The following EIF3B variants were observed in gnomAD, a reference collection of about 807,000 sequenced individuals.
EIF3B encodes eukaryotic translation initiation factor 3 subunit 9.
EIF3B carries 10 observed loss-of-function variants against 104.6 expected under a neutral mutation model. The observed-to-expected ratio is 0.10, with a 90% CI of 0.06 to 0.16. EIF3B has a LOEUF of 0.16. Among genes scored for constraint, EIF3B ranks in the 10% least tolerant of loss-of-function variants. The pLI is 1.00. For synonymous variants in EIF3B, 542 were observed against 417.2 expected, an observed-to-expected ratio of 1.30 and a Z score of -3.65; for missense variants, 1,014 against 1,087.9, an observed-to-expected ratio of 0.93 and a Z score of 0.96.
At chr7:2,377,128 T>C in intron 15 of EIF3B, 53 bp downstream of exon 15, 4 of 1,547,522 alleles carry the variant, frequency 2.6e-6, no homozygotes, top group Non-Finnish European at 3.5e-6. Flanking sequence ...ATTGTGGCGT[T>C]GAAAAGGTGT....
chr7:2,374,063 C>T (rs1780504863), intron 12 of EIF3B: 1 of 153,708 alleles, frequency 6.5e-6, no homozygotes. Context: ...TCTCACTGTT[C>T]CAGCGGCTCT....
chr7:2,367,380 G>T (rs1780082370), intron 9 of EIF3B, among the ~76,000 whole-genome samples: 1 of 152,032 alleles, frequency 6.6e-6, no homozygotes, highest in Non-Finnish European at 1.5e-5. Flanking sequence ...GTCACCCCAG[G>T]GGGTTAGAAT....
rs370641135 is a variant in EIF3B, at chr7:2,377,701, C to G, written c.2154+626C>G. The G allele has an allele frequency of 2.7e-3, 207 of 75,982 alleles. 10 individuals are homozygous for G. Among genetic ancestry groups the G allele is most frequent in the African/African-American group, 0.013 (94 of 7,048 alleles). 4.7% of individuals were successfully genotyped at this position (75,982 alleles called of 1,614,324 possible). A position where few individuals can be genotyped will look rare whatever the true frequency, so the allele number is the denominator to read the frequency against. ...GCGAGCGCTCCTGGGATGCTGTGTT[C>G]TGTGAATGACCCTGGGTGTCATGGA... On this transcript the variant is annotated intron_variant, in intron 15 of 18. Coordinates refer to ENST00000360876, the MANE Select transcript of EIF3B (RefSeq NM_001037283.2).
Position 2,377,934 on chromosome 7 carries a change from C to T in EIF3B, c.2155-755C>T, listed in dbSNP as rs1488675025. On this transcript the variant is annotated intron_variant, in intron 15 of 18. Coordinates refer to ENST00000360876, the MANE Select transcript of EIF3B (RefSeq NM_001037283.2). ...GTGTCGAGGAAGGAGAAGGCGCGAGCACTGCTGGGATGCCGTGTTCTGTGA... is the reference window on the plus strand; with the variant it reads ...GTGTCGAGGAAGGAGAAGGCGCGAGTACTGCTGGGATGCCGTGTTCTGTGA... The T allele has an allele frequency of 5.3e-5, 2 of 38,006 alleles. 1 individual carries two copies. The highest frequency in any genetic ancestry group is 8.1e-4 in the Admixed American group (2 of 2,480). The allele number at this position is 38,006 out of a possible 1,614,324, so 2.4% of individuals were successfully genotyped here.
rs1779958077 is a variant in EIF3B, at chr7:2,365,486, G to T, written c.1158-831G>T. ...ATGGGTTGTGTCTGCCTTCCCCTCT[G>T]GTGTTGTAAGGGACCGTCTGTTACA... On this transcript the variant is annotated intron_variant, in intron 6 of 18. Coordinates refer to ENST00000360876, the MANE Select transcript of EIF3B (RefSeq NM_001037283.2). 2.0e-5 allele frequency among the ~76,000 whole-genome samples: 3 copies of T among 152,128 alleles called. No individual in the cohort carries two copies. In the South Asian group the frequency reaches 6.2e-4, roughly 32 times the overall value.
chr7:2,370,801 C>G (rs1283134480), intron 10 of EIF3B, among the ~76,000 whole-genome samples: 1 of 151,622 alleles, frequency 6.6e-6, no homozygotes, highest in Non-Finnish European at 1.5e-5. Flanking sequence ...AAAGGCCGGG[C>G]ACGGTGGCTC....
intron 11 of EIF3B, 71 bp downstream of exon 11, chr7:2,371,920 C>G (rs942782930): frequency 1.2e-5 from 15 of 1,223,824 alleles, no homozygotes; most frequent in Non-Finnish European, 1.7e-5. Context: ...TTTAACACTT[C>G]CATGCGAGGG....
intron 15 of EIF3B, among the ~76,000 whole-genome samples, chr7:2,377,486 G>A (rs1045153486): frequency 7.1e-6 from 1 of 140,818 alleles, no homozygotes; most frequent in Admixed American, 7.0e-5. Flanking sequence ...GAGCAGGCAC[G>A]AGCGCTCCTG....
Position 2,367,034 on chromosome 7 carries a change from C to A in EIF3B, c.1392C>A (p.Ile464=), listed in dbSNP as rs780528432. 6 of 1,612,086 alleles carry A rather than the reference C, an allele frequency of 3.7e-6. No individual in the cohort carries two copies. The highest frequency in any genetic ancestry group is 4.2e-6 in the Non-Finnish European group (5 of 1,179,758). The change falls in exon 9 of 19, where the codon ATC becomes ATA. Residue 464 remains isoleucine, a synonymous_variant. Transcript: ENST00000360876. ...TTTTGGACAAGAAGAGTTTGAAGAT[C>A]TCTGGGATAAAGTGAGTATTCTTAT... ...MGLLDKKSLK[I]SGIKDFSWSP...
chr7:2,376,623 T>G, intron 14 of EIF3B: 1 of 278,360 alleles, frequency 3.6e-6, no homozygotes, highest in Non-Finnish European at 6.8e-6. Context: ...TTCAGTCCAG[T>G]TTAAATCCAG....
At position 2,372,834 on chromosome 7, in the gene EIF3B, G is replaced by C. The variant is rs771249954; in HGVS notation, c.1810+39G>C. On this transcript the variant is annotated intron_variant, in intron 12 of 18. Coordinates refer to ENST00000360876, the MANE Select transcript of EIF3B (RefSeq NM_001037283.2). ...TCCCTTTCCTCTTCTGAGTAGGTCA[G>C]CACAGATGATGACCCAGTCGCTGCC... is the stretch of plus-strand genomic sequence containing the variant. 9 of 1,601,110 alleles carry C rather than the reference G, an allele frequency of 5.6e-6. No homozygotes were observed. In the East Asian group the frequency reaches 2.0e-4, roughly 36 times the overall value.
At position 2,379,013 on chromosome 7, in the gene EIF3B, C is replaced by T. The variant is rs1263074878; in HGVS notation, c.2233-121C>T. On this transcript the variant is annotated intron_variant, in intron 16 of 18. Coordinates refer to ENST00000360876, the MANE Select transcript of EIF3B (RefSeq NM_001037283.2). ...GAAAAGTGAGAATGAATGGACTAGC[C>T]ATTCCTGCTTGAGTGCCTCTGTATG... The T allele has an allele frequency of 4.7e-6, 4 of 844,636 alleles. No individual in the cohort carries two copies. The Admixed American group carries it at 9.6e-5, about 20-fold the overall frequency. 52.3% of individuals were successfully genotyped at this position (844,636 alleles called of 1,614,324 possible). A position where few individuals can be genotyped will look rare whatever the true frequency, so the allele number is the denominator to read the frequency against.
chr7:2,375,753 G>T (rs1780597437), intron 14 of EIF3B, among the ~76,000 whole-genome samples: 2 of 152,142 alleles, frequency 1.3e-5, no homozygotes, highest in African/African-American at 2.4e-5. Context: ...GGAGGTGGGG[G>T]GTCTTACCCT....
chr7:2,354,891 C>T lies in EIF3B; in HGVS notation c.-31C>T. The T allele has an allele frequency of 1.7e-6, 2 of 1,165,232 alleles. No individual in the cohort carries two copies. Among genetic ancestry groups the T allele is most frequent in the Non-Finnish European group, 2.1e-6 (2 of 946,226 alleles). 72.2% of individuals were successfully genotyped at this position (1,165,232 alleles called of 1,614,324 possible). The stretch of plus-strand genomic sequence containing the variant: ...GGGAGAGTCGGAAGCGCGGCGGCCG[C>T]GGAGCCCTGCGAGTAGGCAGCGTTG... On this transcript the variant is annotated 5_prime_UTR_variant, in exon 1 of 19. Coordinates refer to ENST00000360876, the MANE Select transcript of EIF3B (RefSeq NM_001037283.2).
At chr7:2,357,716 CA>C (rs1779524930) in intron 1 of EIF3B, among the ~76,000 whole-genome samples, 1 of 152,088 alleles carries the variant, frequency 6.6e-6, no homozygotes, top group Non-Finnish European at 1.5e-5. Context: ...ATCCATGAGC[CA>C]CGTGTAACCG....
At chr7:2,364,648 A>G in intron 6 of EIF3B, 119 bp downstream of exon 6, 1 of 924,814 alleles carries the variant, frequency 1.1e-6, no homozygotes, top group African/African-American at 1.7e-5. Flanking sequence ...AGTATGCAGA[A>G]CGCTAATAAG....
At chr7:2,364,708 C>T (rs1437294695) in intron 6 of EIF3B, among the ~76,000 whole-genome samples, 179 bp downstream of exon 6, 2 of 152,168 alleles carry the variant, frequency 1.3e-5, no homozygotes, top group African/African-American at 4.8e-5. Context: ...TCATCATCTC[C>T]TATACAGATA....
Position 2,364,546 on chromosome 7 carries a change from A to C in EIF3B, c.1157+17A>C, listed in dbSNP as rs1361851283. 2 of 1,607,136 alleles carry C rather than the reference A, an allele frequency of 1.2e-6. No homozygotes were observed. The highest frequency in any genetic ancestry group is 1.7e-6 in the Non-Finnish European group (2 of 1,177,358). On this transcript the variant is annotated intron_variant, in intron 6 of 18. Transcript: ENST00000360876. ...TTGTGAAAGGTAAGCTGCTAGAAAA[A>C]CACAGGGGAGTCTATGCATTTCACC...
rs61742731 is a variant in EIF3B at position 2,372,728 on chromosome 7, C to T, written c.1743C>T (p.His581=). ...ATGGAAGTAAGTTTGCTGTGCTGCACGGAGAGGCTCCGCGGATATCTGTGT... is the reference window on the plus strand; with the variant it reads ...ATGGAAGTAAGTTTGCTGTGCTGCATGGAGAGGCTCCGCGGATATCTGTGT... ...EPNGSKFAVL[H]GEAPRISVSF... The change falls in exon 12 of 19, where the codon CAC becomes CAT. Residue 581 remains histidine, a synonymous_variant. Coordinates refer to ENST00000360876, the MANE Select transcript of EIF3B (RefSeq NM_001037283.2). 3,891 of 1,614,142 alleles carry T rather than the reference C, an allele frequency of 2.4e-3. 71 individuals are homozygous for T. In the African/African-American group the frequency reaches 0.043, roughly 18 times the overall value.
Sources: gnomAD v4.1 joint callset for allele counts (sites outside exome capture counted in the v4.1 genomes callset) on GRCh38, gnomAD v4.1.1 for gene constraint, MANE v1.5 for transcripts, NCBI Gene and HGNC (gene_info 2026-07-23, HGNC 2026-07-21) for gene names.